Variants in DPP10 observed in about 807,000 individuals in gnomAD.
The protein encoded by DPP10 is dipeptidyl peptidase like 10.
In DPP10, 33 loss-of-function variants were observed where a neutral mutation model predicts 120.9. The ratio of observed to expected loss-of-function variants is 0.27; its 90% CI spans 0.21 to 0.37. DPP10 has a LOEUF of 0.37. Ranked by LOEUF, DPP10 falls within the 10% of genes least tolerant of loss-of-function variation. The probability of loss-of-function intolerance (pLI) is 1.00; values close to 1 mark genes in which losing one functional copy is unlikely to be tolerated. For missense variants in DPP10, 816 were observed against 942.8 expected (o/e 0.87, Z 1.76); for synonymous variants, 337 against 326.1 (o/e 1.03, Z -0.36).
chr2:114,655,921 G>A (rs984082837), intron 1 of DPP10, among the ~76,000 whole-genome samples: 2 of 152,154 alleles, frequency 1.3e-5, no homozygotes, highest in Non-Finnish European at 2.9e-5. Flanking sequence ...AGAGAAGGTT[G>A]TTAAGATTTG....
intron 1 of DPP10, among the ~76,000 whole-genome samples, chr2:114,637,177 A>G (rs1184367813): frequency 2.0e-5 from 3 of 151,982 alleles, no homozygotes; most frequent in African/African-American, 7.3e-5. Context: ...TGTTTCAAAT[A>G]TTTAGCCTTG....
rs566270802 is a variant in DPP10 at position 115,017,239 on chromosome 2, G to A, written c.61-292000G>A. 5.5e-4 allele frequency among the ~76,000 whole-genome samples: 82 copies of A among 150,076 alleles called. 2 individuals carry two copies. Among genetic ancestry groups the A allele is most frequent in the African/African-American group, 1.8e-3 (75 of 40,848 alleles). On this transcript the variant is annotated intron_variant, in intron 1 of 25. Coordinates refer to ENST00000410059, the MANE Select transcript of DPP10 (RefSeq NM_020868.6). Reference sequence around the variant, plus strand: ...AAAATTTAAAAAAATTAAAAAAAAAGAAAGAAAAAAAAATGCTCATCATCA... The same window carrying A: ...AAAATTTAAAAAAATTAAAAAAAAAAAAAGAAAAAAAAATGCTCATCATCA...
intron 3 of DPP10, among the ~76,000 whole-genome samples, chr2:115,350,324 A>G (rs146982856): frequency 6.7e-4 from 102 of 152,266 alleles, no homozygotes; most frequent in African/African-American, 2.3e-3. Flanking sequence ...CCTGAATTCA[A>G]TATGCCAAAA....
intron 1 of DPP10, among the ~76,000 whole-genome samples, chr2:114,734,581 T>C (rs1019617272): frequency 6.6e-6 from 1 of 152,202 alleles, no homozygotes; most frequent in Non-Finnish European, 1.5e-5. Context: ...TCTGACCACC[T>C]TGGACACATG....
At chr2:115,187,491 C>T (rs978429276) in intron 1 of DPP10, among the ~76,000 whole-genome samples, 8 of 152,126 alleles carry the variant, frequency 5.3e-5, no homozygotes, top group African/African-American at 1.9e-4. Flanking sequence ...TGTGATTCAC[C>T]AGCATATACA....
intron 3 of DPP10, among the ~76,000 whole-genome samples, chr2:115,359,461 G>A (rs189939012): frequency 5.5e-4 from 83 of 152,146 alleles, no homozygotes; most frequent in South Asian, 2.1e-3. Flanking sequence ...ATCTCTTTTT[G>A]TTTGTAAGGC....
At chr2:115,482,409 G>T (rs141126432) in intron 3 of DPP10, among the ~76,000 whole-genome samples, 86 of 151,808 alleles carry the variant, frequency 5.7e-4, no homozygotes, top group East Asian at 4.7e-3. Flanking sequence ...TATGAAATTT[G>T]CCTTTTTAAA....
At chr2:115,560,141 C>T (rs1442434237) in intron 5 of DPP10, among the ~76,000 whole-genome samples, 2 of 150,808 alleles carry the variant, frequency 1.3e-5, no homozygotes, top group Non-Finnish European at 3.0e-5. Flanking sequence ...GAGGCTGAGG[C>T]GGGTGGATCA....
chr2:115,647,231 TA>T (rs1175517300), intron 5 of DPP10, among the ~76,000 whole-genome samples: 3 of 152,190 alleles, frequency 2.0e-5, no homozygotes, highest in African/African-American at 7.2e-5. Flanking sequence ...TTAACCGCTT[TA>T]TCAAGTGCCG....
intron 7 of DPP10, among the ~76,000 whole-genome samples, chr2:115,694,066 T>G (rs771667915): frequency 6.6e-6 from 1 of 152,150 alleles, no homozygotes; most frequent in African/African-American, 2.4e-5. Context: ...TTCAAACTCC[T>G]TTGGGGAATT....
At chr2:115,093,902 T>C (rs1709496390) in intron 1 of DPP10, among the ~76,000 whole-genome samples, 1 of 152,108 alleles carries the variant, frequency 6.6e-6, no homozygotes, top group African/African-American at 2.4e-5. Flanking sequence ...TCTTTTTAAT[T>C]TTCTAACATT....
At chr2:115,805,574 C>CTTT (rs1559178533) in intron 19 of DPP10, among the ~76,000 whole-genome samples, 2,456 of 145,904 alleles carry the variant, frequency 0.017, 72 homozygotes, top group African/African-American at 0.058. Context: ...TCTTGGCTCC[C>CTTT]ATTTTTTTTT....
At chr2:115,497,621 T>C (rs762210377) in intron 3 of DPP10, among the ~76,000 whole-genome samples, 3 of 152,198 alleles carry the variant, frequency 2.0e-5, no homozygotes, top group Non-Finnish European at 4.4e-5. Context: ...TTCATGATGA[T>C]ATGTTCATCA....
chr2:115,159,274 C>T (rs11900579), intron 1 of DPP10, among the ~76,000 whole-genome samples: 3,726 of 152,138 alleles, frequency 0.024, 141 homozygotes, highest in African/African-American at 0.084. Flanking sequence ...CCGGCTAACA[C>T]GGTGAAACCC....
intron 1 of DPP10, among the ~76,000 whole-genome samples, chr2:114,534,249 GTCT>G (rs968098718): frequency 6.6e-6 from 1 of 151,614 alleles, no homozygotes; most frequent in African/African-American, 2.4e-5. Flanking sequence ...CCTTTTTTTG[GTCT>G]TCTTTTGGCA....
intron 1 of DPP10, among the ~76,000 whole-genome samples, chr2:114,504,046 C>T (rs1683424617): frequency 6.6e-6 from 1 of 152,166 alleles, no homozygotes; most frequent in African/African-American, 2.4e-5. Context: ...TCATTTGTTA[C>T]AGAATCAGGC....
At chr2:115,803,263 T>G (rs1302956322) in intron 19 of DPP10, among the ~76,000 whole-genome samples, 2 of 152,208 alleles carry the variant, frequency 1.3e-5, no homozygotes, top group Admixed American at 6.5e-5. Context: ...CCCCTGTCTT[T>G]TTTTGTTTTC....
intron 3 of DPP10, among the ~76,000 whole-genome samples, chr2:115,494,000 G>T (rs968905797): frequency 6.6e-6 from 1 of 151,876 alleles, no homozygotes; most frequent in South Asian, 2.1e-4. Flanking sequence ...CCAGGCTGGG[G>T]TACAGTGGTG....
chr2:115,507,769 C>T (rs891190194), intron 4 of DPP10, among the ~76,000 whole-genome samples: 1 of 152,072 alleles, frequency 6.6e-6, no homozygotes, highest in African/African-American at 2.4e-5. Flanking sequence ...TACACTCTGT[C>T]AATTATATGG....
Sources: gnomAD v4.1 joint callset for allele counts (sites outside exome capture counted in the v4.1 genomes callset) on GRCh38, gnomAD v4.1.1 for gene constraint, MANE v1.5 for transcripts, NCBI Gene and HGNC (gene_info 2026-07-23, HGNC 2026-07-21) for gene names.